The following TRIM65 variants were observed in gnomAD, a reference collection of about 807,000 sequenced individuals.
The protein encoded by TRIM65 is E3 ubiquitin-protein ligase TRIM65.
In TRIM65, 46 loss-of-function variants were observed where a neutral mutation model predicts 36.1. The observed-to-expected ratio is 1.27, with a 90% CI of 1.01 to 1.63. The LOEUF (loss-of-function observed/expected upper bound fraction) is 1.63, where lower values mean the gene tolerates loss of function less well. Ranked by LOEUF, TRIM65 falls within the 40% of genes most tolerant of loss-of-function variation. The probability of loss-of-function intolerance (pLI) is 0.00; values close to 1 mark genes in which losing one functional copy is unlikely to be tolerated. For missense variants in TRIM65, 708 were observed against 696.6 expected (o/e 1.02, Z -0.18); for synonymous variants, 346 against 313.6 (o/e 1.10, Z -1.09).
chr17:75,893,407 G>C (rs959627223), intron 1 of TRIM65, among the ~76,000 whole-genome samples: 3 of 152,182 alleles, frequency 2.0e-5, no homozygotes, highest in African/African-American at 7.2e-5. Flanking sequence ...GATCCGGCCA[G>C]TCCCTGGCCC....
rs139099555 is a variant in TRIM65, at chr17:75,890,629, C to T, written c.*150G>A. 464 of 643,140 alleles carry T rather than the reference C, an allele frequency of 7.2e-4. 4 individuals carry two copies. The East Asian group carries it at 0.013, about 18-fold the overall frequency. 39.8% of individuals were successfully genotyped at this position (643,140 alleles called of 1,614,324 possible). On this transcript the variant is annotated 3_prime_UTR_variant, in exon 6 of 6. Coordinates refer to ENST00000269383, the MANE Select transcript of TRIM65 (RefSeq NM_173547.4). Reference sequence around the variant, plus strand: ...AAAAAGGCTGCAACAGTGAACTCTGCGTTTATGCTCACCTCCCCCAACCTC... The same window carrying T: ...AAAAAGGCTGCAACAGTGAACTCTGTGTTTATGCTCACCTCCCCCAACCTC...
chr17:75,884,594 G>A (rs933092807), downstream of TRIM65, among the ~76,000 whole-genome samples: 15 of 152,154 alleles, frequency 9.9e-5, no homozygotes, highest in East Asian at 1.9e-4. Flanking sequence ...TCTCTAAGCC[G>A]TTTAAGGTTC....
intron 1 of TRIM65, among the ~76,000 whole-genome samples, chr17:75,894,033 C>A (rs1321759681): frequency 6.6e-6 from 1 of 152,212 alleles, no homozygotes; most frequent in Non-Finnish European, 1.5e-5. Flanking sequence ...TCCTTCACCT[C>A]ATCTCAGCCG....
chr17:75,894,129 G>T (rs1307570592), intron 1 of TRIM65, among the ~76,000 whole-genome samples: 1 of 151,866 alleles, frequency 6.6e-6, no homozygotes, highest in Non-Finnish European at 1.5e-5. Context: ...CACTGCCTTC[G>T]TGCCCTCTCC....
At chr17:75,894,666 A>C (rs970682167) in intron 1 of TRIM65, among the ~76,000 whole-genome samples, 2 of 152,194 alleles carry the variant, frequency 1.3e-5, no homozygotes, top group Non-Finnish European at 2.9e-5. Flanking sequence ...AGGAGCTGGG[A>C]CTACAGGCGC....
At chr17:75,892,538 C>T (rs1488860498) in intron 2 of TRIM65, 38 bp from the exon 3 acceptor site, 2 of 1,577,372 alleles carry the variant, frequency 1.3e-6, no homozygotes, top group Non-Finnish European at 1.7e-6. Flanking sequence ...GTGGCCAGGG[C>T]CCTGTGCCAT....
At chr17:75,882,364 C>T (rs772938040) in intron 4 of TRIM65, among the ~76,000 whole-genome samples, 12 of 150,532 alleles carry the variant, frequency 8.0e-5, no homozygotes, top group Non-Finnish European at 7.3e-5. Context: ...TGCATCACCA[C>T]GCTCGGCTAA....
intron 5 of TRIM65, among the ~76,000 whole-genome samples, 164 bp downstream of exon 5, chr17:75,891,649 C>T (rs549286936): frequency 3.3e-4 from 50 of 152,270 alleles, no homozygotes; most frequent in South Asian, 2.5e-3. Context: ...AGGTGTGCAG[C>T]GGGTGGGACC....
chr17:75,892,786 A>T lies in TRIM65; in HGVS notation c.479T>A (p.Leu160Gln). 6.2e-7 allele frequency: 1 copy of T among 1,604,678 alleles called. No homozygotes were observed. Among genetic ancestry groups the T allele is most frequent in the South Asian group, 1.1e-5 (1 of 91,048 alleles). ...CTGGCTGCTTTGCTTGCGCAGCTCT[A>T]GTAGCTGGCCTTCGGCCTGGGTGGC... ...QQATQAEGQL[L>Q]ELRKQSSQIQ... is the part of the protein sequence containing the mutation. Residue 160 changes from leucine (L) to glutamine (Q), a missense_variant, in exon 2 of 6, where the codon CTA becomes CAA. By Grantham distance (113) the Leu-to-Gln change is moderately radical (BLOSUM62 -2). Transcript: ENST00000269383.
At chr17:75,892,879 C>T in intron 1 of TRIM65, 29 bp from the exon 2 acceptor site, 22 of 1,587,076 alleles carry the variant, frequency 1.4e-5, no homozygotes, top group Non-Finnish European at 1.8e-5. Flanking sequence ...GGACAAGCAA[C>T]AAGAGAAGGC....
rs2065357296 is a variant in TRIM65 at position 75,896,843 on chromosome 17, C to T, written c.95G>A (p.Cys32Tyr). 2.0e-6 allele frequency: 3 copies of T among 1,529,362 alleles called. No homozygotes were observed. Among genetic ancestry groups the T allele is most frequent in the South Asian group, 1.2e-5 (1 of 82,550 alleles). The allele number at this position is 1,529,362 out of a possible 1,614,324, so 94.7% of individuals were successfully genotyped here. ...PVTLPCGHNF[C>Y]GACIRDWWDR... ...CCACCAGTCCCGGATGCAGGCCCCG[C>T]AGAAGTTGTGGCCGCAGGGCAGCGT... is the stretch of plus-strand genomic sequence containing the variant. The change falls in exon 1 of 6, where the codon TGC (cysteine) becomes TAC (tyrosine). Residue 32 changes from cysteine (C) to tyrosine (Y), a missense_variant. Coordinates refer to ENST00000269383, the MANE Select transcript of TRIM65 (RefSeq NM_173547.4).
rs567432117 is a variant in TRIM65, at chr17:75,895,675, C to T, written c.414+849G>A. 1.1e-4 allele frequency among the ~76,000 whole-genome samples: 17 copies of T among 152,330 alleles called. No individual in the cohort carries two copies. In the South Asian group the frequency reaches 3.5e-3, roughly 32 times the overall value. ...CGGCCTCCCCTTCCTCCTCCTGGCC[C>T]GTTTAGCAGGGTCACCCCAACCCCT... On this transcript the variant is annotated intron_variant, in intron 1 of 5. Coordinates refer to ENST00000269383, the MANE Select transcript of TRIM65 (RefSeq NM_173547.4).
chr17:75,893,773 CA>C (rs1405342229), intron 1 of TRIM65, among the ~76,000 whole-genome samples: 6 of 152,098 alleles, frequency 3.9e-5, no homozygotes, highest in Non-Finnish European at 7.4e-5. Flanking sequence ...CCAGGGCACC[CA>C]ACCCTCCCCC....
Position 75,892,370 on chromosome 17 carries a change from C to G in TRIM65, c.641G>C (p.Arg214Pro). 1 of 1,613,524 alleles carries G rather than the reference C, an allele frequency of 6.2e-7. No individual in the cohort carries two copies. The highest frequency in any genetic ancestry group is 8.5e-7 in the Non-Finnish European group (1 of 1,179,924). ...VAKTQALAQA[R>P]DEEQRLRVHL... is the part of the protein sequence containing the mutation. ...GACCCGCAGCCGCTGCTCCTCGTCT[C>G]GAGCCTGTGCCAGCGCCTGCGTCTT... The change falls in exon 3 of 6, where the codon CGA (arginine) becomes CCA (proline). Residue 214 changes from arginine (R) to proline (P), a missense_variant. Transcript: ENST00000269383.
downstream of TRIM65, among the ~76,000 whole-genome samples, chr17:75,884,885 C>T (rs995789026): frequency 6.6e-6 from 1 of 151,992 alleles, no homozygotes; most frequent in African/African-American, 2.4e-5. Context: ...CCCATCACAG[C>T]CTCCCAAAGT....
chr17:75,892,464 T>C lies in TRIM65; in HGVS notation c.547A>G (p.Lys183Glu), dbSNP rs1291627098. The C allele has an allele frequency of 4.3e-6, 7 of 1,614,056 alleles. No homozygotes were observed. In the East Asian group the frequency reaches 1.3e-4, roughly 31 times the overall value. Residue 183 changes from lysine to glutamate, a missense_variant, in exon 3 of 6, where the codon AAG becomes GAG. Lys to Glu is a moderately conservative substitution (Grantham distance 56). Coordinates refer to ENST00000269383, the MANE Select transcript of TRIM65 (RefSeq NM_173547.4). ...ACILASWVSGKFSSLLQALEI... is the reference protein window; with the variant it reads ...ACILASWVSGEFSSLLQALEI... ...AGGGCCTGTAGCAGGCTGCTGAACT[T>C]GCCGGAGACCCAGGAGGCCAAGATG...
At chr17:75,880,458 C>A (rs1280508967) in exon 5 of TRIM65, 1 of 150,016 alleles carries the variant, frequency 6.7e-6, no homozygotes, top group Non-Finnish European at 1.5e-5. Flanking sequence ...GTGCCCGGTG[C>A]CCATTTCCTC....
downstream of TRIM65, among the ~76,000 whole-genome samples, chr17:75,888,783 G>A (rs2065229952): frequency 6.6e-6 from 1 of 152,182 alleles, no homozygotes; most frequent in African/African-American, 2.4e-5. Context: ...CCTTGCCTGG[G>A]CTGTGCCAAT....
intron 5 of TRIM65, 111 bp downstream of exon 5, chr17:75,891,702 C>A: frequency 7.3e-7 from 1 of 1,360,636 alleles, no homozygotes. Context: ...AAGTGCCCCC[C>A]TCACTCACAC....
Sources: gnomAD v4.1 joint callset for allele counts (sites outside exome capture counted in the v4.1 genomes callset) on GRCh38, gnomAD v4.1.1 for gene constraint, MANE v1.5 for transcripts, NCBI Gene and HGNC (gene_info 2026-07-23, HGNC 2026-07-21) for gene names.